The following RASGRF1 variants were observed in gnomAD, a reference collection of about 807,000 sequenced individuals.
The protein encoded by RASGRF1 is Ras protein specific guanine nucleotide releasing factor 1, also known as ras-specific guanine nucleotide-releasing factor 1.
RASGRF1 carries 40 observed loss-of-function variants against 138.7 expected under a neutral mutation model. That is an observed-to-expected ratio of 0.29 (90% CI 0.22 to 0.38). The LOEUF is 0.38. Among genes scored for constraint, RASGRF1 ranks in the 10% least tolerant of loss-of-function variants. The pLI is 1.00. For missense variants in RASGRF1, 1,108 were observed against 1,650.4 expected (o/e 0.67, Z 5.69); for synonymous variants, 614 against 663.2 (o/e 0.93, Z 1.14).
chr15:78,999,806 C>T lies in RASGRF1; in HGVS notation c.2683G>A (p.Ala895Thr), dbSNP rs1258101832. Residue 895 changes from alanine (A) to threonine (T), a missense_variant, in exon 17 of 27, where the codon GCC (alanine) becomes ACC (threonine). By Grantham distance (58) the Ala-to-Thr change is moderately conservative. Around this residue, in one of 3 missense-constraint regions of RASGRF1, gnomAD observed 686 missense variants for 976.7 expected, o/e 0.70. Coordinates refer to ENST00000558480, the MANE Select transcript of RASGRF1 (RefSeq NM_001145648.3). The part of the protein sequence containing the change: ...SAASAFAIAT[A>T]GANEGTPNKE... Reference sequence around the variant, plus strand: ...TTTGGGGTGCCCTCGTTGGCCCCGGCGGTTGCTATGGCAAAGGCAGAGGCG... The same window carrying T: ...TTTGGGGTGCCCTCGTTGGCCCCGGTGGTTGCTATGGCAAAGGCAGAGGCG... 6 of 1,614,036 alleles carry T rather than the reference C, an allele frequency of 3.7e-6. No homozygotes were observed. Among genetic ancestry groups the T allele is most frequent in the Non-Finnish European group, 5.1e-6 (6 of 1,180,022 alleles).
At chr15:79,069,687 T>C (rs1280708490) in intron 1 of RASGRF1, among the ~76,000 whole-genome samples, 1 of 152,114 alleles carries the variant, frequency 6.6e-6, no homozygotes, top group Non-Finnish European at 1.5e-5. Flanking sequence ...GTTTCTTAAG[T>C]AAGGGAAGTC....
chr15:79,052,535 C>T (rs1262528552), intron 3 of RASGRF1, among the ~76,000 whole-genome samples: 1 of 152,138 alleles, frequency 6.6e-6, no homozygotes, highest in Non-Finnish European at 1.5e-5. Context: ...GCCAAGTGCC[C>T]CTTCCTTGGA....
intron 20 of RASGRF1, among the ~76,000 whole-genome samples, chr15:78,994,625 A>C (rs2056350535): frequency 6.6e-6 from 1 of 152,106 alleles, no homozygotes; most frequent in African/African-American, 2.4e-5. Flanking sequence ...ACTGACTTGG[A>C]AAAAAGTGGG....
At chr15:79,014,988 T>C (rs2056857058) in intron 13 of RASGRF1, among the ~76,000 whole-genome samples, 1 of 149,516 alleles carries the variant, frequency 6.7e-6, no homozygotes, top group African/African-American at 2.5e-5. Context: ...AGGCTACAAA[T>C]TGGGGTTCAG....
chr15:79,016,688 C>T (rs1271599196), intron 12 of RASGRF1, among the ~76,000 whole-genome samples: 2 of 152,228 alleles, frequency 1.3e-5, no homozygotes, highest in Non-Finnish European at 2.9e-5. Flanking sequence ...AGACTCAGAA[C>T]AGGCACGTGC....
intron 7 of RASGRF1, 145 bp downstream of exon 7, chr15:79,031,978 G>A: frequency 9.9e-7 from 1 of 1,011,478 alleles, no homozygotes; most frequent in Non-Finnish European, 1.4e-6. Flanking sequence ...ACCCAGCATT[G>A]TCGGCTGCTG....
Position 79,046,934 on chromosome 15 carries a change from G to A in RASGRF1, c.690C>T (p.Ile230=), listed in dbSNP as rs2057361572. ...GCATGCTGTCAGCATGGGGTGACCG[G>A]ATGTAGTCCTGGATGATGGTCTTCC... ...RKWKTIIQDY[I]RSPHADSMRK... The change falls in exon 5 of 27, where the codon ATC becomes ATT. Residue 230 remains isoleucine (I), a synonymous_variant. Transcript: ENST00000558480. This position sits in a 1 kb window ranked among gnomAD's most constrained non-coding sequence, Gnocchi z 5.3. 18 of 1,614,100 alleles carry A rather than the reference G, an allele frequency of 1.1e-5. No individual in the cohort carries two copies. Among genetic ancestry groups the A allele is most frequent in the African/African-American group, 9.3e-5 (7 of 75,052 alleles).
chr15:79,056,470 A>G (rs1272176495), intron 3 of RASGRF1, among the ~76,000 whole-genome samples: 1 of 152,102 alleles, frequency 6.6e-6, no homozygotes, highest in Non-Finnish European at 1.5e-5. Flanking sequence ...CTGTGGGAAG[A>G]GGCTACCAGA....
intron 25 of RASGRF1, among the ~76,000 whole-genome samples, chr15:78,972,379 G>A (rs1325163055): frequency 2.0e-5 from 3 of 151,670 alleles, no homozygotes; most frequent in Non-Finnish European, 2.9e-5. Context: ...ATAGGTGTGA[G>A]CGACCACACC....
In RASGRF1 at chr15:78,971,951, G is replaced by T; in HGVS notation, c.3613-17C>A. 6.4e-7 allele frequency: 1 copy of T among 1,562,064 alleles called. No individual in the cohort carries two copies. Among genetic ancestry groups the T allele is most frequent in the Non-Finnish European group, 8.8e-7 (1 of 1,132,674 alleles). ...ATGGGATATCTGTGGGAAGGAAGGA[G>T]TGTTTCAGAATGCAGTTTGCTCTCC... On this transcript the variant is annotated splice_polypyrimidine_tract_variant and intron_variant, in intron 25 of 26. Coordinates refer to ENST00000558480, the MANE Select transcript of RASGRF1 (RefSeq NM_001145648.3).
intron 1 of RASGRF1, among the ~76,000 whole-genome samples, chr15:79,077,041 C>A (rs2141092033): frequency 6.6e-6 from 1 of 152,302 alleles, no homozygotes; most frequent in Non-Finnish European, 1.5e-5. Flanking sequence ...ACTGGTTTTT[C>A]ATGAAAGCCA....
At chr15:78,970,415 T>G (rs2055729587) in intron 26 of RASGRF1, among the ~76,000 whole-genome samples, 1 of 152,108 alleles carries the variant, frequency 6.6e-6, no homozygotes, top group African/African-American at 2.4e-5. Flanking sequence ...TTCTCTTACA[T>G]GGCCTTGCAA....
At chr15:78,996,023 T>A (rs2056384541) in intron 19 of RASGRF1, among the ~76,000 whole-genome samples, 1 of 152,206 alleles carries the variant, frequency 6.6e-6, no homozygotes, top group Admixed American at 6.5e-5. Context: ...CCCCTGGGCT[T>A]CCTGCATCTG....
chr15:79,041,478 TA>T (rs1254962325), intron 5 of RASGRF1, among the ~76,000 whole-genome samples: 3 of 152,080 alleles, frequency 2.0e-5, no homozygotes, highest in Non-Finnish European at 4.4e-5. Flanking sequence ...AAGAGAAGCA[TA>T]GGGGCTCTGG....
At chr15:79,057,894 A>AG (rs1424860204) in intron 3 of RASGRF1, among the ~76,000 whole-genome samples, 3 of 152,284 alleles carry the variant, frequency 2.0e-5, no homozygotes, top group Non-Finnish European at 4.4e-5. Context: ...CTTGGAGTTG[A>AG]GCAGAAGCCC....
chr15:79,069,732 C>G (rs556053911), intron 1 of RASGRF1, among the ~76,000 whole-genome samples: 1 of 152,298 alleles, frequency 6.6e-6, no homozygotes, highest in East Asian at 1.9e-4. Flanking sequence ...GAAGAAGGGA[C>G]TTCCTATTGC....
intron 2 of RASGRF1, among the ~76,000 whole-genome samples, chr15:79,059,252 T>TCCCTTC (rs1567594549): frequency 1.3e-4 from 3 of 22,632 alleles, no homozygotes; most frequent in African/African-American, 2.9e-4. Flanking sequence ...CCCTTCCCTA[T>TCCCTTC]CCTTCCCTTC....
intron 23 of RASGRF1, among the ~76,000 whole-genome samples, chr15:78,983,665 A>G (rs1249256699): frequency 6.6e-6 from 1 of 152,206 alleles, no homozygotes; most frequent in Non-Finnish European, 1.5e-5. Flanking sequence ...CTGAACCTTG[A>G]CAAGCCAAAC....
chr15:79,058,293 T>C, intron 3 of RASGRF1, 41 bp downstream of exon 3: 1 of 1,593,442 alleles, frequency 6.3e-7, no homozygotes. Context: ...GTTTGAGATG[T>C]TGTGCCTAGG....
Sources: gnomAD v4.1 joint callset for allele counts (sites outside exome capture counted in the v4.1 genomes callset) on GRCh38, gnomAD v4.1.1 for gene constraint, gnomAD v4.1.1 regional missense constraint, Gnocchi (gnomAD v3.1) non-coding constraint, MANE v1.5 for transcripts, NCBI Gene and HGNC (gene_info 2026-07-23, HGNC 2026-07-21) for gene names.